SPATS2L: variants seen among roughly 807,000 people sequenced by gnomAD.
SPATS2L encodes the protein spermatogenesis associated serine rich 2 like.
SPATS2L carries 30 observed loss-of-function variants against 59.6 expected under a neutral mutation model. That is an observed-to-expected ratio of 0.50 (90% CI 0.38 to 0.68). SPATS2L has a LOEUF of 0.68. SPATS2L is among the 30% of genes least tolerant of loss of function. The pLI, the probability that SPATS2L is intolerant of heterozygous loss-of-function variation, is 0.00. For synonymous variants in SPATS2L, 252 were observed against 263.5 expected, an observed-to-expected ratio of 0.96 and a Z score of 0.42; for missense variants, 615 against 700.0, an observed-to-expected ratio of 0.88 and a Z score of 1.37.
rs1360997038 is a variant in SPATS2L, at chr2:200,478,057, A to G, written c.*26A>G. ...GCTAGGAGGAAAAAGAGCAGTTTTCACTCAGTTTTGGTTCCCTGCCCGAGG... is the reference window on the plus strand; with the variant it reads ...GCTAGGAGGAAAAAGAGCAGTTTTCGCTCAGTTTTGGTTCCCTGCCCGAGG... On this transcript the variant is annotated 3_prime_UTR_variant, in exon 13 of 13. Transcript: ENST00000409140. 6.6e-7 allele frequency: 1 copy of G among 1,518,560 alleles called. No individual in the cohort carries two copies. Among genetic ancestry groups the G allele is most frequent in the African/African-American group, 1.4e-5 (1 of 71,744 alleles). The allele number at this position is 1,518,560 out of a possible 1,614,324, so 94.1% of individuals were successfully genotyped here.
chr2:200,442,498 G>A (rs1392890174), intron 8 of SPATS2L, among the ~76,000 whole-genome samples: 2 of 152,138 alleles, frequency 1.3e-5, no homozygotes, highest in Admixed American at 6.6e-5. Context: ...GTCATTGTTT[G>A]TCAACCCCTG....
chr2:200,376,908 A>G (rs2081618706), intron 2 of SPATS2L, among the ~76,000 whole-genome samples: 3 of 152,204 alleles, frequency 2.0e-5, no homozygotes, highest in Admixed American at 2.0e-4. Flanking sequence ...TAGCCACACC[A>G]GGACAACTTG....
chr2:200,371,990 C>G, intron 2 of SPATS2L: 1 of 979,984 alleles, frequency 1.0e-6, no homozygotes, highest in Non-Finnish European at 1.2e-6. Flanking sequence ...GGAAGAAAGG[C>G]TCTTTCCATC....
intron 3 of SPATS2L, among the ~76,000 whole-genome samples, chr2:200,403,014 C>A (rs568558372): frequency 7.4e-4 from 112 of 152,270 alleles, no homozygotes; most frequent in African/African-American, 2.4e-3. Context: ...AATATAAAAT[C>A]CTACCTTTGT....
chr2:200,412,030 T>C (rs920471614), intron 3 of SPATS2L, among the ~76,000 whole-genome samples: 1 of 151,956 alleles, frequency 6.6e-6, no homozygotes, highest in Non-Finnish European at 1.5e-5. Flanking sequence ...TGGGGGAGGG[T>C]AGATTGCAAA....
rs772246719 is a variant in SPATS2L, at chr2:200,412,340, C to A, written c.69C>A (p.Asn23Lys). Residue 23 changes from asparagine to lysine, a missense_variant, in exon 4 of 13, where the codon AAC (asparagine) becomes AAA (lysine). By Grantham distance (94) the Asn-to-Lys change is moderately conservative. This residue lies in a region of SPATS2L where 227 missense variants were observed against 257.4 expected (regional missense o/e 0.88). Coordinates refer to ENST00000409140, the MANE Select transcript of SPATS2L (RefSeq NM_001100423.2). ...KIYAVRSVVP[N>K]KSNNEIVLVL... ...ATGCAGTTAGATCAGTTGTTCCCAA[C>A]AAAAGCAATAATGAAATAGTCCTGG... 17 of 1,598,278 alleles carry A rather than the reference C, an allele frequency of 1.1e-5. No homozygotes were observed. The highest frequency in any genetic ancestry group is 4.5e-5 in the South Asian group (4 of 88,408).
intron 6 of SPATS2L, among the ~76,000 whole-genome samples, chr2:200,436,931 G>A (rs984272678): frequency 3.3e-5 from 5 of 152,076 alleles, no homozygotes; most frequent in Non-Finnish European, 7.4e-5. Flanking sequence ...TTGGTGATAA[G>A]CGAGTTCTTG....
At chr2:200,352,765 C>T (rs926902984) in intron 2 of SPATS2L, among the ~76,000 whole-genome samples, 1 of 152,084 alleles carries the variant, frequency 6.6e-6, no homozygotes, top group Non-Finnish European at 1.5e-5. Context: ...GGCTGGTGAA[C>T]AGCGAAGGTG....
chr2:200,370,587 A>G (rs1304151869), intron 2 of SPATS2L, among the ~76,000 whole-genome samples: 1 of 152,176 alleles, frequency 6.6e-6, no homozygotes, highest in East Asian at 1.9e-4. Context: ...AAACAATAGA[A>G]ATAACTGACA....
At chr2:200,378,597 T>C (rs1471238744) in intron 2 of SPATS2L, among the ~76,000 whole-genome samples, 1 of 152,240 alleles carries the variant, frequency 6.6e-6, no homozygotes, top group Non-Finnish European at 1.5e-5. Context: ...GAAAACTGAC[T>C]TTCTCTGCCA....
intron 3 of SPATS2L, chr2:200,389,746 G>A (rs898851799): frequency 6.5e-6 from 1 of 153,316 alleles, no homozygotes; most frequent in South Asian, 2.1e-4. Flanking sequence ...CTATCACCTG[G>A]TGGTCACGCT....
At chr2:200,314,036 T>A (rs1342322152) in intron 1 of SPATS2L, among the ~76,000 whole-genome samples, 1 of 152,244 alleles carries the variant, frequency 6.6e-6, no homozygotes, top group Non-Finnish European at 1.5e-5. Context: ...TCTGCACGTT[T>A]GCCCTGTGGC....
chr2:200,459,355 C>G (rs17447723), intron 8 of SPATS2L, among the ~76,000 whole-genome samples: 54,406 of 152,002 alleles, frequency 0.36, 10,944 homozygotes, highest in Non-Finnish European at 0.45. Context: ...TCCTTCCCAG[C>G]CAGAATCTCT....
intron 6 of SPATS2L, among the ~76,000 whole-genome samples, chr2:200,422,640 G>A (rs918654323): frequency 9.2e-5 from 14 of 151,766 alleles, no homozygotes; most frequent in Non-Finnish European, 1.6e-4. Context: ...CCTTAATTTC[G>A]TTAGCAGCCC....
intron 2 of SPATS2L, among the ~76,000 whole-genome samples, chr2:200,358,652 T>C (rs1450432830): frequency 6.6e-6 from 1 of 151,942 alleles, no homozygotes; most frequent in Non-Finnish European, 1.5e-5. Context: ...GCAAATGTAG[T>C]AATATCTTGG....
intron 3 of SPATS2L, among the ~76,000 whole-genome samples, chr2:200,405,581 A>G (rs2082663726): frequency 6.6e-6 from 1 of 152,222 alleles, no homozygotes; most frequent in Admixed American, 6.5e-5. Context: ...GAAAATTCAT[A>G]GGAAAACTAC....
At chr2:200,361,059 A>G (rs954219034) in intron 2 of SPATS2L, among the ~76,000 whole-genome samples, 1 of 136,012 alleles carries the variant, frequency 7.4e-6, no homozygotes, top group African/African-American at 2.6e-5. Context: ...TTCTAGCTCC[A>G]CCCCACTATT....
At chr2:200,442,567 C>T (rs1049049911) in intron 8 of SPATS2L, among the ~76,000 whole-genome samples, 8 of 152,162 alleles carry the variant, frequency 5.3e-5, no homozygotes, top group Non-Finnish European at 1.2e-4. Context: ...TTTAGTGTGG[C>T]CTTTTAGAAT....
chr2:200,347,564 A>G (rs1474980138), intron 2 of SPATS2L, among the ~76,000 whole-genome samples: 1 of 152,192 alleles, frequency 6.6e-6, no homozygotes, highest in African/African-American at 2.4e-5. Context: ...CCTTGAACCC[A>G]TAACTGAGAC....
Sources: gnomAD v4.1 joint callset for allele counts (sites outside exome capture counted in the v4.1 genomes callset) on GRCh38, gnomAD v4.1.1 for gene constraint, gnomAD v4.1.1 regional missense constraint, MANE v1.5 for transcripts, NCBI Gene and HGNC (gene_info 2026-07-23, HGNC 2026-07-21) for gene names.